The following TTLL11 variants were observed in gnomAD, a reference collection of about 807,000 sequenced individuals.
TTLL11 encodes the protein tubulin polyglutamylase TTLL11.
A neutral mutation model predicts 51.7 loss-of-function variants in TTLL11; 42 were observed. That is an observed-to-expected ratio of 0.81 (90% CI 0.64 to 1.05). TTLL11 has a LOEUF of 1.05. Among genes scored for constraint, TTLL11 ranks in the 50% least tolerant of loss-of-function variants. The probability of loss-of-function intolerance (pLI) is 0.00; values close to 1 mark genes in which losing one functional copy is unlikely to be tolerated. For missense variants in TTLL11, 799 were observed against 940.4 expected, an observed-to-expected ratio of 0.85 and a Z score of 1.97; for synonymous variants, 381 against 383.5, an observed-to-expected ratio of 0.99 and a Z score of 0.08.
chr9:122,082,695 A>C (rs919624935), intron 1 of TTLL11, among the ~76,000 whole-genome samples: 1 of 152,144 alleles, frequency 6.6e-6, no homozygotes, highest in African/African-American at 2.4e-5. Context: ...CTAAAACAGC[A>C]GTTGCCAAAC....
chr9:121,942,327 A>C (rs1315481341), intron 6 of TTLL11, among the ~76,000 whole-genome samples: 1 of 152,198 alleles, frequency 6.6e-6, no homozygotes, highest in Non-Finnish European at 1.5e-5. Context: ...CTTCACAGTC[A>C]GGCCGCTTCT....
intron 6 of TTLL11, among the ~76,000 whole-genome samples, chr9:121,905,303 T>G (rs1257024836): frequency 6.6e-6 from 1 of 152,172 alleles, no homozygotes; most frequent in Non-Finnish European, 1.5e-5. Flanking sequence ...TATTTTCACA[T>G]AGCTGAAGTC....
At chr9:121,876,014 T>C (rs375240223) in intron 6 of TTLL11, among the ~76,000 whole-genome samples, 2 of 152,224 alleles carry the variant, frequency 1.3e-5, no homozygotes, top group African/African-American at 2.4e-5. Context: ...CACTTACCTA[T>C]ATTGCTTCAT....
intron 1 of TTLL11, among the ~76,000 whole-genome samples, chr9:122,054,853 G>A (rs1845249249): frequency 6.6e-6 from 1 of 152,062 alleles, no homozygotes; most frequent in Admixed American, 6.6e-5. Flanking sequence ...ATGCAAATCA[G>A]GTTTCCATTT....
At chr9:121,844,210 A>G (rs529691065) in intron 8 of TTLL11, among the ~76,000 whole-genome samples, 1 of 152,184 alleles carries the variant, frequency 6.6e-6, no homozygotes, top group Non-Finnish European at 1.5e-5. Context: ...CTCCAGTGCA[A>G]TAACAGTGGA....
In TTLL11 at chr9:122,059,412, C is replaced by T. The variant is rs76618372; in HGVS notation, c.463-20044G>A. Among the ~76,000 whole-genome samples, 1,385 of 152,216 alleles carry T rather than the reference C, an allele frequency of 9.1e-3. 22 individuals are homozygous for T. Among genetic ancestry groups the T allele is most frequent in the African/African-American group, 0.031 (1,278 of 41,514 alleles). ...AAGCGCTATTATCATACCCATTTAA[C>T]AGATGAGGAAACTGAGGCACAGGGA... On this transcript the variant is annotated intron_variant, in intron 1 of 8. Coordinates refer to ENST00000321582, the MANE Select transcript of TTLL11 (RefSeq NM_001139442.2).
chr9:122,032,671 AT>A (rs143714595), intron 2 of TTLL11, among the ~76,000 whole-genome samples: 1 of 150,306 alleles, frequency 6.7e-6, no homozygotes. Context: ...AGGTTGGTGG[AT>A]TTTTTTTCTT....
At chr9:121,957,484 G>A (rs891978495) in intron 6 of TTLL11, among the ~76,000 whole-genome samples, 1 of 152,176 alleles carries the variant, frequency 6.6e-6, no homozygotes, top group Non-Finnish European at 1.5e-5. Context: ...CAGGGTAACT[G>A]TAACTAAGCA....
chr9:122,058,624 G>A (rs557313338), intron 1 of TTLL11, among the ~76,000 whole-genome samples: 3 of 152,242 alleles, frequency 2.0e-5, no homozygotes, highest in East Asian at 3.9e-4. Flanking sequence ...ATGGGAGAGG[G>A]GACTAGCGCG....
In TTLL11 at chr9:121,826,541, ATATATATATGTGTGTG is replaced by A. The variant is rs1836798907; in HGVS notation, c.1841-3678_1841-3663del. Among the ~76,000 whole-genome samples, 9 of 58,114 alleles carry A rather than the reference ATATATATATGTGTGTG, an allele frequency of 1.5e-4. No individual in the cohort carries two copies. In the South Asian group the frequency reaches 3.5e-3, roughly 23 times the overall value. The allele number at this position is 58,114 out of a possible 152,430, so 38.1% of individuals were successfully genotyped here. On this transcript the variant is annotated intron_variant, in intron 8 of 8. Transcript: ENST00000321582. ...TATATATATATATGTGTGTGTGTAT[ATATATATATGTGTGTG>A]TATATATATATATATATATATATAT... is the stretch of plus-strand genomic sequence containing the variant.
chr9:121,994,654 T>C (rs944944789), intron 3 of TTLL11, among the ~76,000 whole-genome samples: 1 of 152,186 alleles, frequency 6.6e-6, no homozygotes, highest in Non-Finnish European at 1.5e-5. Context: ...CAGGCCTAGC[T>C]AGGAAGTAAG....
chr9:121,959,448 C>T (rs1842141739), intron 6 of TTLL11, among the ~76,000 whole-genome samples: 1 of 152,168 alleles, frequency 6.6e-6, no homozygotes, highest in Non-Finnish European at 1.5e-5. Context: ...TGTTCTTCTC[C>T]CAGCTTCTGG....
intron 6 of TTLL11, among the ~76,000 whole-genome samples, chr9:121,933,062 T>C (rs980993025): frequency 2.0e-5 from 3 of 152,168 alleles, no homozygotes; most frequent in African/African-American, 7.2e-5. Context: ...TAGTTTTTCC[T>C]CTCTCTTGTT....
chr9:121,953,632 CAAAAAAA>C (rs57176138), intron 6 of TTLL11, among the ~76,000 whole-genome samples: 2 of 70,952 alleles, frequency 2.8e-5, no homozygotes, highest in Non-Finnish European at 2.8e-5. Flanking sequence ...GATGCCGCCT[CAAAAAAA>C]AAAAAAAAAA....
intron 6 of TTLL11, among the ~76,000 whole-genome samples, chr9:121,892,183 C>T (rs1839268712): frequency 7.7e-6 from 1 of 130,044 alleles, no homozygotes. Context: ...TATATATACA[C>T]ACACATATAT....
chr9:122,075,393 T>C (rs1318889571), intron 1 of TTLL11, among the ~76,000 whole-genome samples: 1 of 152,212 alleles, frequency 6.6e-6, no homozygotes, highest in Non-Finnish European at 1.5e-5. Context: ...ATATATATGC[T>C]TTATTTTACC....
At chr9:121,905,949 T>G (rs1208403016) in intron 6 of TTLL11, among the ~76,000 whole-genome samples, 1 of 152,212 alleles carries the variant, frequency 6.6e-6, no homozygotes, top group Non-Finnish European at 1.5e-5. Context: ...AATAAATTCA[T>G]AGTCACCAAT....
At chr9:121,892,383 C>CA (rs1010108500) in intron 6 of TTLL11, among the ~76,000 whole-genome samples, 2 of 151,910 alleles carry the variant, frequency 1.3e-5, no homozygotes, top group African/African-American at 4.8e-5. Flanking sequence ...GGGGTGCTCA[C>CA]AATCATGGCG....
rs568832382 is a variant in TTLL11 at position 121,865,823 on chromosome 9, T to A, written c.1733+4674A>T. Reference sequence around the variant, plus strand: ...ACATGAAAAGCTGGTTAGAGAGAGTTAAGTCTAGACGAGAGAAGAACAGTT... The same window carrying A: ...ACATGAAAAGCTGGTTAGAGAGAGTAAAGTCTAGACGAGAGAAGAACAGTT... On this transcript the variant is annotated intron_variant, in intron 7 of 8. Coordinates refer to ENST00000321582, the MANE Select transcript of TTLL11 (RefSeq NM_001139442.2). Among the ~76,000 whole-genome samples the A allele has an allele frequency of 3.9e-5, 6 of 152,300 alleles. No individual in the cohort carries two copies. The South Asian group carries it at 1.2e-3, about 32-fold the overall frequency.
Sources: allele counts gnomAD v4.1 joint callset (sites outside exome capture counted in the v4.1 genomes callset), GRCh38; gene constraint gnomAD v4.1.1; transcripts MANE v1.5; gene names NCBI Gene and HGNC (gene_info 2026-07-23, HGNC 2026-07-21).